Variants in CTNNA1 observed in about 807,000 individuals in gnomAD.
CTNNA1 encodes the protein catenin alpha-1.
CTNNA1 carries 37 observed loss-of-function variants against 98.4 expected under a neutral mutation model. That is an observed-to-expected ratio of 0.38 (90% CI 0.29 to 0.49). The LOEUF (loss-of-function observed/expected upper bound fraction) is 0.49, where lower values mean the gene tolerates loss of function less well. Ranked by LOEUF, CTNNA1 falls within the 20% of genes least tolerant of loss-of-function variation. The pLI, the probability that CTNNA1 is intolerant of heterozygous loss-of-function variation, is 0.95. For missense variants in CTNNA1, 761 were observed against 1,147.2 expected, an observed-to-expected ratio of 0.66 and a Z score of 4.86; for synonymous variants, 404 against 413.2, an observed-to-expected ratio of 0.98 and a Z score of 0.27.
At chr5:138,927,858 T>C (rs1364495487) in intron 13 of CTNNA1, among the ~76,000 whole-genome samples, 5 of 152,114 alleles carry the variant, frequency 3.3e-5, no homozygotes, top group Non-Finnish European at 5.9e-5. Flanking sequence ...ACTGATTGAT[T>C]GCATGCCAGT....
intron 3 of CTNNA1, among the ~76,000 whole-genome samples, chr5:138,802,804 G>T (rs965369391): frequency 6.6e-6 from 1 of 152,078 alleles, no homozygotes; most frequent in Non-Finnish European, 1.5e-5. Flanking sequence ...CCCTACACAA[G>T]ATTTTTATAT....
rs1428564394 is a variant in CTNNA1 at position 138,930,946 on chromosome 5, G to A, written c.2298+11G>A. 1.9e-6 allele frequency: 3 copies of A among 1,591,556 alleles called. No individual in the cohort carries two copies. Among genetic ancestry groups the A allele is most frequent in the Non-Finnish European group, 2.6e-6 (3 of 1,159,440 alleles). On this transcript the variant is annotated intron_variant, in intron 16 of 17. Transcript: ENST00000302763. ...ACCATTGCAGACCATGTAAGTGACA[G>A]ACTTGCCAGGTGGGTCTCCAAGCTC...
intron 4 of CTNNA1, among the ~76,000 whole-genome samples, chr5:138,810,837 A>G (rs867615369): frequency 2.6e-5 from 4 of 152,262 alleles, no homozygotes; most frequent in Middle Eastern, 3.4e-3. Flanking sequence ...GGCCGGGCAG[A>G]GGGGCTCCTC....
chr5:138,909,973 T>C (rs2150177954), intron 10 of CTNNA1, among the ~76,000 whole-genome samples: 1 of 152,348 alleles, frequency 6.6e-6, no homozygotes, highest in Non-Finnish European at 1.5e-5. Context: ...CGCTTCACTT[T>C]TCCACTTTGG....
chr5:138,889,971 T>C (rs1027201350), intron 9 of CTNNA1, among the ~76,000 whole-genome samples: 3 of 152,356 alleles, frequency 2.0e-5, no homozygotes, highest in African/African-American at 7.2e-5. Context: ...TTTTGTATTA[T>C]AATGAAACAC....
chr5:138,873,158 C>G lies in CTNNA1; in HGVS notation c.1063-13054C>G. Reference sequence around the variant, plus strand: ...TGACATATGGAGTCGTGTTTGGGATCGGAGCTGCCTGTGGTTCTGAACCAT... The same window carrying G: ...TGACATATGGAGTCGTGTTTGGGATGGGAGCTGCCTGTGGTTCTGAACCAT... On this transcript the variant is annotated intron_variant, in intron 7 of 17. Coordinates refer to ENST00000302763, the MANE Select transcript of CTNNA1 (RefSeq NM_001903.5). This position sits in a 1 kb window ranked among gnomAD's most constrained non-coding sequence, Gnocchi z 6.1. 6.2e-7 allele frequency: 1 copy of G among 1,612,132 alleles called. No homozygotes were observed. Among genetic ancestry groups the G allele is most frequent in the Non-Finnish European group, 8.5e-7 (1 of 1,178,876 alleles).
intron 5 of CTNNA1, among the ~76,000 whole-genome samples, chr5:138,814,845 C>T (rs937149548): frequency 6.6e-6 from 1 of 152,116 alleles, no homozygotes; most frequent in African/African-American, 2.4e-5. Flanking sequence ...CCTCCACCTC[C>T]TGGGTTCAAG....
rs1757555600 is a variant in CTNNA1, at chr5:138,801,355, T to C, written c.302-8683T>C. On this transcript the variant is annotated intron_variant, in intron 3 of 17. Coordinates refer to ENST00000302763, the MANE Select transcript of CTNNA1 (RefSeq NM_001903.5). ...GGTAGTACATGATAAAATAGGCTAGTATCTACAGATATTTTATGCATTCAT... is the reference window on the plus strand; with the variant it reads ...GGTAGTACATGATAAAATAGGCTAGCATCTACAGATATTTTATGCATTCAT... 2.0e-5 allele frequency among the ~76,000 whole-genome samples: 3 copies of C among 152,256 alleles called. 1 individual carries two copies. Among genetic ancestry groups the C allele is most frequent in the Admixed American group, 2.0e-4 (3 of 15,284 alleles).
chr5:138,775,873 C>T (rs1171494594), intron 1 of CTNNA1, among the ~76,000 whole-genome samples: 1 of 151,102 alleles, frequency 6.6e-6, no homozygotes, highest in East Asian at 1.9e-4. Flanking sequence ...CAGGCACCTG[C>T]CACCACACCT....
At chr5:138,817,655 A>C (rs762699402) in intron 5 of CTNNA1, among the ~76,000 whole-genome samples, 45 of 152,154 alleles carry the variant, frequency 3.0e-4, no homozygotes, top group Admixed American at 4.6e-4. Context: ...CAAGCTACCT[A>C]TCTTCAAGTT....
intron 6 of CTNNA1, among the ~76,000 whole-genome samples, chr5:138,827,225 T>C (rs191558546): frequency 6.6e-6 from 1 of 152,350 alleles, no homozygotes; most frequent in Non-Finnish European, 1.5e-5. Context: ...CGGGTTTACC[T>C]TTAGATGTTC....
At chr5:138,783,110 T>C (rs1755311578) in intron 2 of CTNNA1, 67 bp from the exon 3 acceptor site, 1 of 1,227,392 alleles carries the variant, frequency 8.1e-7, no homozygotes. Context: ...TTAATCTTGC[T>C]GTCTTTAAAG....
chr5:138,810,975 C>T (rs934785463), intron 4 of CTNNA1, among the ~76,000 whole-genome samples: 1 of 149,394 alleles, frequency 6.7e-6, no homozygotes, highest in Admixed American at 6.7e-5. Flanking sequence ...GGGGCTGACC[C>T]CCCCACCTCC....
chr5:138,888,856 A>G (rs938228848), intron 9 of CTNNA1, among the ~76,000 whole-genome samples: 3 of 152,156 alleles, frequency 2.0e-5, no homozygotes, highest in Non-Finnish European at 2.9e-5. Context: ...CGTTAATACC[A>G]TAAAAATTTT....
rs1755324870 is a variant in CTNNA1 at position 138,783,201 on chromosome 5, A to G, written c.130A>G (p.Ser44Gly). 3 of 1,611,818 alleles carry G rather than the reference A, an allele frequency of 1.9e-6. No individual in the cohort carries two copies. The highest frequency in any genetic ancestry group is 1.1e-5 in the South Asian group (1 of 90,680). ...GGTTACAACCCTTGTAAACACCAAT[A>G]GTAAAGGGCCCTCTAATAAGAAGAG... ...TQVTTLVNTN[S>G]KGPSNKKRGR... Residue 44 changes from serine to glycine, a missense_variant, in exon 3 of 18, where the codon AGT becomes GGT. Ser to Gly is a moderately conservative substitution (Grantham distance 56, BLOSUM62 0). Transcript: ENST00000302763.
At chr5:138,819,482 C>G (rs796213279) in intron 5 of CTNNA1, among the ~76,000 whole-genome samples, 2 of 152,166 alleles carry the variant, frequency 1.3e-5, no homozygotes, top group Non-Finnish European at 2.9e-5. Flanking sequence ...ATGCAGGGTA[C>G]TATGTCGGCT....
At chr5:138,819,969 A>G (rs1421685593) in intron 5 of CTNNA1, among the ~76,000 whole-genome samples, 1 of 151,534 alleles carries the variant, frequency 6.6e-6, no homozygotes, top group Non-Finnish European at 1.5e-5. Context: ...CTCGCCATGT[A>G]AGATATGATT....
At chr5:138,831,534 G>T (rs1384091226) in intron 7 of CTNNA1, among the ~76,000 whole-genome samples, 1 of 151,996 alleles carries the variant, frequency 6.6e-6, no homozygotes, top group Non-Finnish European at 1.5e-5. Context: ...TAGTACTAGG[G>T]CATTGTTCAT....
At chr5:138,916,458 G>A (rs1216409569) in intron 10 of CTNNA1, among the ~76,000 whole-genome samples, 1 of 151,086 alleles carries the variant, frequency 6.6e-6, no homozygotes, top group African/African-American at 2.4e-5. Flanking sequence ...GAACTCCTGG[G>A]CTCAAGCAGT....
Sources: gnomAD v4.1 joint callset for allele counts (sites outside exome capture counted in the v4.1 genomes callset) on GRCh38, gnomAD v4.1.1 for gene constraint, Gnocchi (gnomAD v3.1) non-coding constraint, MANE v1.5 for transcripts, NCBI Gene and HGNC (gene_info 2026-07-23, HGNC 2026-07-21) for gene names.